The following CCNT2 variants were observed in gnomAD, a reference collection of about 807,000 sequenced individuals.
The protein encoded by CCNT2 is cyclin T2.
A neutral mutation model predicts 70.0 loss-of-function variants in CCNT2; 18 were observed. The observed-to-expected ratio is 0.26, with a 90% CI of 0.18 to 0.38. CCNT2 has a LOEUF of 0.38. Ranked by LOEUF, CCNT2 falls within the 10% of genes least tolerant of loss-of-function variation. The pLI is 1.00. For missense variants in CCNT2, 734 were observed against 890.2 expected (o/e 0.82, Z 2.23); for synonymous variants, 334 against 313.3 (o/e 1.07, Z -0.70).
At chr2:134,930,965 T>C (rs1251786766) in intron 2 of CCNT2, among the ~76,000 whole-genome samples, 1 of 141,184 alleles carries the variant, frequency 7.1e-6, no homozygotes, top group Non-Finnish European at 1.5e-5. Context: ...AAATAAGGAT[T>C]TGAATTTTTT....
intron 7 of CCNT2, among the ~76,000 whole-genome samples, chr2:134,949,960 A>T (rs1261270329): frequency 6.6e-6 from 1 of 151,976 alleles, no homozygotes; most frequent in African/African-American, 2.4e-5. Context: ...ACGCCTGGCT[A>T]ATTTTTGTAT....
intron 2 of CCNT2, among the ~76,000 whole-genome samples, chr2:134,930,717 A>G (rs1210513156): frequency 1.3e-5 from 2 of 151,920 alleles, no homozygotes; most frequent in Admixed American, 6.6e-5. Flanking sequence ...ACAGTGTGAA[A>G]TGATATCCCC....
chr2:134,954,160 C>T lies in CCNT2; in HGVS notation c.1705C>T (p.His569Tyr). The T allele has an allele frequency of 6.2e-7, 1 of 1,614,166 alleles. No individual in the cohort carries two copies. Among genetic ancestry groups the T allele is most frequent in the Non-Finnish European group, 8.5e-7 (1 of 1,180,024 alleles). ...CAAGGAGCATCCTTCAAGCCGCCAC[C>T]ACACCAGCAGCCACAAGCATTCCCA... ...KHKEHPSSRH[H>Y]TSSHKHSHSH... Residue 569 changes from histidine (H) to tyrosine (Y), a missense_variant, in exon 9 of 9, where the codon CAC (histidine) becomes TAC (tyrosine). His to Tyr is a moderately conservative substitution (Grantham distance 83, BLOSUM62 2). This residue lies in a region of CCNT2 where 532 missense variants were observed against 556.9 expected (regional missense o/e 0.96). Transcript: ENST00000264157.
At chr2:134,950,506 G>A (rs930954369) in intron 7 of CCNT2, among the ~76,000 whole-genome samples, 3 of 152,166 alleles carry the variant, frequency 2.0e-5, no homozygotes, top group East Asian at 1.9e-4. Flanking sequence ...GCATGGTGGC[G>A]CACTCCTATA....
rs139407679 is a variant in CCNT2 at position 134,933,448 on chromosome 2, A to G, written c.241-3393A>G. 2.0e-3 allele frequency among the ~76,000 whole-genome samples: 298 copies of G among 152,292 alleles called. 3 individuals are homozygous for G. Among genetic ancestry groups the G allele is most frequent in the African/African-American group, 7.0e-3 (290 of 41,548 alleles). ...AGTGAAGAATATCAGCAGTAAGGGT[A>G]TCAGGAGCAGAGAGGGGAGACAGCA... On this transcript the variant is annotated intron_variant, in intron 2 of 8. Transcript: ENST00000264157.
rs112471982 is a variant in CCNT2, at chr2:134,931,262, C to CTTTTTTTTTTTTTTTTTTTTTTT, written c.241-5576_241-5554dup. On this transcript the variant is annotated intron_variant, in intron 2 of 8. Coordinates refer to ENST00000264157, the MANE Select transcript of CCNT2 (RefSeq NM_058241.3). ...CAGGCATAAGCCACCATGCCCGGAT[C>CTTTTTTTTTTTTTTTTTTTTTTT]TTTTTTTTTTTTTTTTTTTTTTTTT... Among the ~76,000 whole-genome samples the CTTTTTTTTTTTTTTTTTTTTTTT allele has an allele frequency of 1.5e-3, 63 of 42,422 alleles. 4 individuals carry two copies. The highest frequency in any genetic ancestry group is 5.6e-3 in the East Asian group (3 of 532). 27.8% of individuals were successfully genotyped at this position (42,422 alleles called of 152,430 possible). A position where few individuals can be genotyped will look rare whatever the true frequency, so the allele number is the denominator to read the frequency against.
intron 3 of CCNT2, among the ~76,000 whole-genome samples, chr2:134,937,425 C>T (rs45482291): frequency 1.0e-3 from 155 of 152,306 alleles, no homozygotes; most frequent in African/African-American, 3.7e-3. Context: ...CTGCTTATCT[C>T]TCTGATACAT....
chr2:134,931,587 C>T (rs1680775444), intron 2 of CCNT2, among the ~76,000 whole-genome samples: 1 of 152,032 alleles, frequency 6.6e-6, no homozygotes, highest in Non-Finnish European at 1.5e-5. Flanking sequence ...TCATCAGTTT[C>T]TACAAAAGAA....
At position 134,953,441 on chromosome 2, in the gene CCNT2, A is replaced by T; in HGVS notation, c.986A>T (p.Asp329Val). Reference protein sequence around the residue: ...NISVQDSHTSDNLSMLATGMP... With the variant: ...NISVQDSHTSVNLSMLATGMP... The stretch of plus-strand genomic sequence containing the variant: ...TCTGTTCAAGACAGCCATACATCTG[A>T]TAATTTGTCAATGCTAGCAACAGGA... Residue 329 changes from aspartate (D) to valine (V), a missense_variant, in exon 9 of 9, where the codon GAT (aspartate) becomes GTT (valine). Physicochemically the swap from Asp to Val is radical, Grantham distance 152. Transcript: ENST00000264157. 6.2e-7 allele frequency: 1 copy of T among 1,613,178 alleles called. No individual in the cohort carries two copies. Among genetic ancestry groups the T allele is most frequent in the Non-Finnish European group, 8.5e-7 (1 of 1,179,430 alleles).
At chr2:134,943,740 C>T (rs1296609876) in intron 5 of CCNT2, 1 of 985,050 alleles carries the variant, frequency 1.0e-6, no homozygotes, top group East Asian at 1.1e-4. Flanking sequence ...CTGCTTCTTA[C>T]TTCCACTTTC....
At chr2:134,936,274 A>C (rs960572598) in intron 2 of CCNT2, among the ~76,000 whole-genome samples, 1 of 151,520 alleles carries the variant, frequency 6.6e-6, no homozygotes, top group African/African-American at 2.4e-5. Flanking sequence ...CAGTCAACTT[A>C]CTTAGTATGT....
chr2:134,947,307 T>C (rs887551332), intron 6 of CCNT2, among the ~76,000 whole-genome samples: 9 of 152,212 alleles, frequency 5.9e-5, no homozygotes, highest in African/African-American at 2.2e-4. Context: ...TCCCTGATTA[T>C]TGTGAGATTG....
At position 134,955,323 on chromosome 2, in the gene CCNT2, C is replaced by T. The variant is rs1053948124; in HGVS notation, c.*675C>T. The T allele has an allele frequency of 2.0e-5, 3 of 152,956 alleles. No individual in the cohort carries two copies. Among genetic ancestry groups the T allele is most frequent in the South Asian group, 2.1e-4 (1 of 4,840 alleles). 9.5% of individuals were successfully genotyped at this position (152,956 alleles called of 1,614,324 possible). On this transcript the variant is annotated 3_prime_UTR_variant, in exon 9 of 9. Coordinates refer to ENST00000264157, the MANE Select transcript of CCNT2 (RefSeq NM_058241.3). ...GCCACTGATAGGGGACACTTCACTACCAGATGTGTGCAGTGCAACAGATGG... is the reference window on the plus strand; with the variant it reads ...GCCACTGATAGGGGACACTTCACTATCAGATGTGTGCAGTGCAACAGATGG...
chr2:134,940,406 A>G (rs1049597596), intron 4 of CCNT2, among the ~76,000 whole-genome samples: 16 of 152,294 alleles, frequency 1.1e-4, no homozygotes, highest in African/African-American at 3.6e-4. Context: ...ATATTAGTCT[A>G]TTTTATCATT....
chr2:134,924,661 G>T (rs771554860), intron 2 of CCNT2, among the ~76,000 whole-genome samples: 1 of 152,014 alleles, frequency 6.6e-6, no homozygotes, highest in Non-Finnish European at 1.5e-5. Context: ...TGTTGGTCTG[G>T]CTGGTCTCAA....
Position 134,936,949 on chromosome 2 carries a change from C to T in CCNT2, c.349C>T (p.Leu117=), listed in dbSNP as rs1681198201. ...TGCTTGTCTTCATCCTCTAGAGCCA[C>T]TGCTGGATACTAAATGTGATGTATG... ...AHACLHPLEP[L]LDTKCDAYLQ... The change falls in exon 3 of 9, where the codon CTG becomes TTG. Residue 117 remains leucine (L), a synonymous_variant. Coordinates refer to ENST00000264157, the MANE Select transcript of CCNT2 (RefSeq NM_058241.3). 6.2e-7 allele frequency: 1 copy of T among 1,608,138 alleles called. No homozygotes were observed. The highest frequency in any genetic ancestry group is 8.5e-7 in the Non-Finnish European group (1 of 1,175,898).
At position 134,954,654 on chromosome 2, in the gene CCNT2, T is replaced by C. The variant is rs45569737; in HGVS notation, c.*6T>C. ...CCCAAGGAATGAACATGTAATAATT[T>C]GTTTAGGTCAATTTTTCCTTTACTT... On this transcript the variant is annotated 3_prime_UTR_variant, in exon 9 of 9. Transcript: ENST00000264157. 1,814 of 1,554,690 alleles carry C rather than the reference T, an allele frequency of 1.2e-3. 22 individuals carry two copies. In the African/African-American group the frequency reaches 0.023, roughly 20 times the overall value.
chr2:134,929,310 T>C (rs1175185768), intron 2 of CCNT2, among the ~76,000 whole-genome samples: 2 of 152,018 alleles, frequency 1.3e-5, no homozygotes, highest in South Asian at 2.1e-4. Context: ...GCACACTACA[T>C]CTATGGAGAT....
At chr2:134,942,552 A>G in intron 4 of CCNT2, 60 bp from the exon 5 acceptor site, 1 of 1,182,740 alleles carries the variant, frequency 8.5e-7, no homozygotes, top group Non-Finnish European at 1.2e-6. Flanking sequence ...CGTTTATGGC[A>G]TTTCTCAGGC....
Sources: allele counts gnomAD v4.1 joint callset (sites outside exome capture counted in the v4.1 genomes callset), GRCh38; gene constraint gnomAD v4.1.1; regional missense constraint gnomAD v4.1.1; transcripts MANE v1.5; gene names NCBI Gene and HGNC (gene_info 2026-07-23, HGNC 2026-07-21).